The following NOSTRIN variants were observed in gnomAD, a reference collection of about 807,000 sequenced individuals.
The protein encoded by NOSTRIN is nitric oxide synthase trafficking, also known as BM247 homolog.
Under a neutral mutation model 59.0 loss-of-function variants are expected in NOSTRIN, and 63 were observed. The observed-to-expected ratio is 1.07, with a 90% confidence interval of 0.87 to 1.32. The LOEUF (loss-of-function observed/expected upper bound fraction) is 1.32. Among genes scored for constraint, NOSTRIN ranks in the 40% most tolerant of loss-of-function variants. NOSTRIN has a pLI of 0.00. For missense variants in NOSTRIN, 512 were observed against 473.1 expected (o/e 1.08, Z -0.76); for synonymous variants, 200 against 165.4 (o/e 1.21, Z -1.61).
chr2:168,802,203 C>T (rs1339465808), upstream of NOSTRIN, among the ~76,000 whole-genome samples: 1 of 152,136 alleles, frequency 6.6e-6, no homozygotes, highest in Non-Finnish European at 1.5e-5. Flanking sequence ...GAGAGGCAGT[C>T]TGTCTCCAAG....
intron 1 of NOSTRIN, chr2:168,786,678 C>G (rs1317844834): frequency 2.0e-5 from 3 of 152,146 alleles, no homozygotes; most frequent in Non-Finnish European, 2.9e-5. Flanking sequence ...GTCAAGCCAG[C>G]CACTTGATCC....
At chr2:168,792,125 T>C (rs940724336) in intron 2 of NOSTRIN, among the ~76,000 whole-genome samples, 1 of 152,232 alleles carries the variant, frequency 6.6e-6, no homozygotes, top group African/African-American at 2.4e-5. Context: ...AGGTCTAACA[T>C]GTAAGTCTTT....
At chr2:168,799,074 T>A (rs1685554495), upstream of NOSTRIN, among the ~76,000 whole-genome samples, 1 of 151,994 alleles carries the variant, frequency 6.6e-6, no homozygotes, top group African/African-American at 2.4e-5. Flanking sequence ...GTAGAGCCAA[T>A]CAACAGCTTG....
chr2:168,819,879 C>T (rs192688192), intron 2 of NOSTRIN, among the ~76,000 whole-genome samples: 1 of 152,246 alleles, frequency 6.6e-6, no homozygotes, highest in African/African-American at 2.4e-5. Context: ...CCCATCCTTC[C>T]CACTTTGCCA....
At chr2:168,823,871 G>A (rs751021167) in intron 2 of NOSTRIN, among the ~76,000 whole-genome samples, 62 of 152,194 alleles carry the variant, frequency 4.1e-4, no homozygotes, top group African/African-American at 1.3e-3. Context: ...GAGGTCAGGC[G>A]TTTGAGACCA....
chr2:168,798,059 A>G (rs936872438), upstream of NOSTRIN: 7 of 152,320 alleles, frequency 4.6e-5, no homozygotes, highest in South Asian at 1.2e-3. Flanking sequence ...TAGGTAACTC[A>G]TAATACCTAA....
Position 168,802,888 on chromosome 2 carries a change from C to T in NOSTRIN, c.27+215C>T, listed in dbSNP as rs537089713. Among the ~76,000 whole-genome samples the T allele has an allele frequency of 9.9e-5, 15 of 152,258 alleles. No homozygotes were observed. In the South Asian group the frequency reaches 2.9e-3, roughly 29 times the overall value. On this transcript the variant is annotated intron_variant, in intron 1 of 15. Coordinates refer to ENST00000317647, the MANE Select transcript of NOSTRIN (RefSeq NM_001039724.4). The stretch of plus-strand genomic sequence containing the variant: ...ACAGGGCAGGTAATTGTCATCTTTC[C>T]TTCTCATATTCTTGGAAAAAGTTTT...
At chr2:168,798,266 A>T (rs1024931846), upstream of NOSTRIN, 1 of 152,162 alleles carries the variant, frequency 6.6e-6, no homozygotes, top group African/African-American at 2.4e-5. Context: ...AAAGTATTTA[A>T]CTAGGTCTCA....
intron 7 of NOSTRIN, 75 bp downstream of exon 7, chr2:168,834,400 G>A (rs752003865): frequency 2.6e-6 from 2 of 770,546 alleles, no homozygotes; most frequent in African/African-American, 3.4e-5. Context: ...ACGAACACAA[G>A]AGAACGGGTT....
chr2:168,837,300 CTTTTTT>C (rs761309524), intron 7 of NOSTRIN, among the ~76,000 whole-genome samples: 37 of 62,156 alleles, frequency 6.0e-4, no homozygotes, highest in Non-Finnish European at 8.2e-4. Context: ...TTTTTAACAT[CTTTTTT>C]TTTTTTTTTT....
intron 13 of NOSTRIN, among the ~76,000 whole-genome samples, chr2:168,859,849 A>T (rs961149841): frequency 6.6e-6 from 1 of 152,230 alleles, no homozygotes; most frequent in African/African-American, 2.4e-5. Context: ...CCAAACTTCT[A>T]TGAGAAGCTA....
chr2:168,797,076 T>C (rs967722656), upstream of NOSTRIN, among the ~76,000 whole-genome samples: 1 of 54,802 alleles, frequency 1.8e-5, no homozygotes, highest in Non-Finnish European at 3.9e-5. Context: ...CTTTTTCTTT[T>C]TTCTTTTTTT....
chr2:168,843,830 C>T (rs958774230), intron 8 of NOSTRIN, among the ~76,000 whole-genome samples: 2 of 152,152 alleles, frequency 1.3e-5, no homozygotes, highest in Non-Finnish European at 2.9e-5. Flanking sequence ...TGCAGCAGTT[C>T]CCTTTTTAGG....
chr2:168,861,876 A>T, intron 14 of NOSTRIN, 84 bp from the exon 15 acceptor site: 1 of 1,224,412 alleles, frequency 8.2e-7, no homozygotes, highest in Non-Finnish European at 1.2e-6. Flanking sequence ...ACTCTGCATC[A>T]CACTGTTAAA....
At chr2:168,860,133 A>G (rs571550029) in intron 13 of NOSTRIN, among the ~76,000 whole-genome samples, 2 of 152,298 alleles carry the variant, frequency 1.3e-5, no homozygotes, top group South Asian at 4.1e-4. Flanking sequence ...AAGGCTCAAG[A>G]GCTCGAAAAC....
At chr2:168,820,861 G>A (rs1051364567) in intron 2 of NOSTRIN, among the ~76,000 whole-genome samples, 1 of 152,050 alleles carries the variant, frequency 6.6e-6, no homozygotes, top group Non-Finnish European at 1.5e-5. Flanking sequence ...TCCTTTTTAG[G>A]TCTGCTTAGC....
rs1687603664 is a variant in NOSTRIN at position 168,834,532 on chromosome 2, CA to C, written c.504+208del. On this transcript the variant is annotated intron_variant, in intron 7 of 15. Coordinates refer to ENST00000317647, the MANE Select transcript of NOSTRIN (RefSeq NM_001039724.4). ...GCACACACACACACACACACACACA[CA>C]CACACACACCACATACATTTTAAAC... Among the ~76,000 whole-genome samples, 6 of 151,142 alleles carry C rather than the reference CA, an allele frequency of 4.0e-5. 1 individual carries two copies. The South Asian group carries it at 8.4e-4, about 21-fold the overall frequency.
chr2:168,837,590 T>C (rs1449687415), intron 7 of NOSTRIN, among the ~76,000 whole-genome samples: 1 of 152,124 alleles, frequency 6.6e-6, no homozygotes, highest in African/African-American at 2.4e-5. Flanking sequence ...ATTACAGGCG[T>C]GAGCCACCGC....
chr2:168,801,766 G>T (rs898979748), upstream of NOSTRIN, among the ~76,000 whole-genome samples: 12 of 152,178 alleles, frequency 7.9e-5, no homozygotes, highest in Admixed American at 6.5e-4. Context: ...TTGGCAACTG[G>T]GACCACAGGT....
Sources: gnomAD v4.1 joint callset for allele counts (sites outside exome capture counted in the v4.1 genomes callset) on GRCh38, gnomAD v4.1.1 for gene constraint, MANE v1.5 for transcripts, NCBI Gene and HGNC (gene_info 2026-07-23, HGNC 2026-07-21) for gene names.